TSBP1: variants seen among roughly 807,000 people sequenced by gnomAD.
TSBP1 encodes the protein testis expressed basic protein 1.
In TSBP1, 56 loss-of-function variants were observed where a neutral mutation model predicts 68.8. The ratio of observed to expected loss-of-function variants is 0.81; its 90% CI spans 0.66 to 1.02. The LOEUF is 1.02. Ranked by LOEUF, TSBP1 falls within the 50% of genes least tolerant of loss-of-function variation. The pLI is 0.00. For missense variants in TSBP1, 502 were observed against 641.2 expected, an observed-to-expected ratio of 0.78 and a Z score of 2.34; for synonymous variants, 171 against 208.7, an observed-to-expected ratio of 0.82 and a Z score of 1.56.
At position 32,302,609 on chromosome 6, in the gene TSBP1, TA is replaced by T; in HGVS notation, c.600del (p.Met201TrpfsTer9). Reference sequence around the variant, plus strand: ...TAATAAAAATATATTAGGAACTTACTAGTGTGAACTTGAGGTATTCCTGAAA... The same window carrying T: ...TAATAAAAATATATTAGGAACTTACTGTGTGAACTTGAGGTATTCCTGAAA... On this transcript the variant is annotated frameshift_variant and splice_region_variant, in exon 20 of 23. Coordinates refer to ENST00000612031, the Ensembl canonical transcript of TSBP1. LOFTEE classifies it low-confidence loss of function (END_TRUNC). This position sits in a 1 kb window ranked among gnomAD's most constrained non-coding sequence, Gnocchi z 5.1. 1 of 1,544,228 alleles carries T rather than the reference TA, an allele frequency of 6.5e-7. No individual in the cohort carries two copies. The highest frequency in any genetic ancestry group is 8.7e-7 in the Non-Finnish European group (1 of 1,145,048).
chr6:32,307,156 C>A (rs924458244), intron 19 of TSBP1, among the ~76,000 whole-genome samples: 10 of 151,724 alleles, frequency 6.6e-5, no homozygotes, highest in African/African-American at 2.4e-4. Flanking sequence ...ATGTTTAGTT[C>A]ATCAATTTTT....
rs145201933 is a variant in TSBP1 at position 32,345,601 on chromosome 6, A to C, written c.349+4139T>G. On this transcript the variant is annotated intron_variant, in intron 9 of 22. Transcript: ENST00000612031. Reference sequence around the variant, plus strand: ...TATCTACTTTCTAGGATTATTATGAAGAAAAAATGTTTAGGACAGAGCCTG... The same window carrying C: ...TATCTACTTTCTAGGATTATTATGACGAAAAAATGTTTAGGACAGAGCCTG... 6.8e-3 allele frequency among the ~76,000 whole-genome samples: 1,041 copies of C among 152,190 alleles called. 18 individuals carry two copies. Among genetic ancestry groups the C allele is most frequent in the East Asian group, 0.016 (83 of 5,180 alleles).
Position 32,314,680 on chromosome 6 carries a change from T to C in TSBP1, c.580+1092A>G, listed in dbSNP as rs1311713917. Among the ~76,000 whole-genome samples the C allele has an allele frequency of 6.6e-6, 1 of 152,218 alleles. No homozygotes were observed. The highest frequency in any genetic ancestry group is 1.5e-5 in the Non-Finnish European group (1 of 68,040). On this transcript the variant is annotated intron_variant, in intron 19 of 22. Transcript: ENST00000612031. This position sits in a 1 kb window ranked among gnomAD's most constrained non-coding sequence, Gnocchi z 4.2. ...TACCAATGTCTTTGTCCTAACATTA[T>C]TGAAATTAATAAAATGTTGTTATTA...
intron 17 of TSBP1, chr6:32,323,340 T>C: frequency 1.5e-6 from 1 of 677,262 alleles, no homozygotes; most frequent in Non-Finnish European, 2.7e-6. Context: ...AAGGATTAAA[T>C]GAGGTAATGT....
chr6:32,356,255 T>G (rs1468097658), intron 6 of TSBP1, among the ~76,000 whole-genome samples: 2 of 152,210 alleles, frequency 1.3e-5, no homozygotes, highest in Non-Finnish European at 2.9e-5. Context: ...CATTTGCTAT[T>G]TCACTAAAGT....
chr6:32,366,802 C>T (rs7769740), intron 4 of TSBP1, among the ~76,000 whole-genome samples: 12,125 of 145,476 alleles, frequency 0.083, 753 homozygotes, highest in East Asian at 0.1. Context: ...TCATTAGTCT[C>T]AATCCAACTA....
At chr6:32,362,288 C>CAAAAAAAAAAAAA (rs9257083) in intron 6 of TSBP1, among the ~76,000 whole-genome samples, 2 of 101,324 alleles carry the variant, frequency 2.0e-5, no homozygotes, top group African/African-American at 7.4e-5. Context: ...GACTCCGTCT[C>CAAAAAAAAAAAAA]AAAAAAAAAA....
At chr6:32,323,661 AT>A (rs1767902088) in intron 16 of TSBP1, 47 bp from the exon 18 acceptor site, 1 of 1,593,502 alleles carries the variant, frequency 6.3e-7, no homozygotes, top group Non-Finnish European at 8.6e-7. Flanking sequence ...CTCCCATGAT[AT>A]TTTCCTTTCT....
intron 19 of TSBP1, among the ~76,000 whole-genome samples, chr6:32,308,152 G>A (rs1441014636): frequency 6.6e-6 from 1 of 151,932 alleles, no homozygotes; most frequent in African/African-American, 2.4e-5. Context: ...TTTCTTAATA[G>A]AGTTTAGCTA....
intron 8 of TSBP1, 74 bp from the exon 9 acceptor site, chr6:32,349,834 A>C: frequency 6.4e-7 from 1 of 1,554,010 alleles, no homozygotes; most frequent in South Asian, 1.1e-5. Context: ...TAGACACTAT[A>C]TTGCAGAAAG....
chr6:32,331,894 A>T lies in TSBP1; in HGVS notation c.493+140T>A, dbSNP rs142504487. On this transcript the variant is annotated intron_variant, in intron 15 of 22. Transcript: ENST00000612031. ...CCTCGCCTTCCCTCCAAAACCTAAC[A>T]GTTACGATATGGGGAAATGAAAGTC... 8 of 691,770 alleles carry T rather than the reference A, an allele frequency of 1.2e-5. No homozygotes were observed. The Admixed American group carries it at 2.0e-4, about 17-fold the overall frequency. 42.9% of individuals were successfully genotyped at this position (691,770 alleles called of 1,614,324 possible). A position where few individuals can be genotyped will look rare whatever the true frequency, so the allele number is the denominator to read the frequency against.
chr6:32,323,724 C>T, intron 16 of TSBP1, 110 bp from the exon 18 acceptor site: 1 of 885,630 alleles, frequency 1.1e-6, no homozygotes, highest in Non-Finnish European at 1.8e-6. Flanking sequence ...GAAAACTTTC[C>T]CTTTGGTATT....
At chr6:32,355,766 A>C in intron 6 of TSBP1, 97 bp from the exon 7 acceptor site, 6 of 1,405,684 alleles carry the variant, frequency 4.3e-6, no homozygotes, top group Non-Finnish European at 5.6e-6. Flanking sequence ...ACACCCTCAA[A>C]TATCCAGTTA....
chr6:32,300,576 C>T (rs1264120999), intron 21 of TSBP1, 104 bp downstream of exon 24: 1 of 902,736 alleles, frequency 1.1e-6, no homozygotes, highest in Non-Finnish European at 1.8e-6. Flanking sequence ...GAAATATTGA[C>T]TGCTGTAAGG....
At chr6:32,329,478 T>C (rs1425273639) in intron 16 of TSBP1, among the ~76,000 whole-genome samples, 2 of 152,200 alleles carry the variant, frequency 1.3e-5, no homozygotes, top group African/African-American at 4.8e-5. Flanking sequence ...CAATAACAAA[T>C]GGCTCTTATT....
chr6:32,363,319 C>T (rs1252753479), intron 6 of TSBP1, among the ~76,000 whole-genome samples: 3 of 152,036 alleles, frequency 2.0e-5, no homozygotes, highest in South Asian at 2.1e-4. Flanking sequence ...TTTTTAAATA[C>T]ATTTAGCTAC....
At chr6:32,349,586 AG>A (rs1440196142) in intron 9 of TSBP1, 153 bp downstream of exon 9, 1 of 595,224 alleles carries the variant, frequency 1.7e-6, no homozygotes, top group Non-Finnish European at 3.0e-6. Context: ...TGATTATTGA[AG>A]TGTCTGGTTA....
rs1463926163 is a variant in TSBP1 at position 32,338,469 on chromosome 6, G to A, written c.409+510C>T. On this transcript the variant is annotated intron_variant, in intron 11 of 22. Transcript: ENST00000612031. This position sits in a 1 kb window ranked among gnomAD's most constrained non-coding sequence, Gnocchi z 5.5. ...TCCTTATTCTCTATTCCCAACCAGT[G>A]CTTCTTCCAGAGATATATGCTACAG... 2.0e-5 allele frequency among the ~76,000 whole-genome samples: 3 copies of A among 152,040 alleles called. No homozygotes were observed. Among genetic ancestry groups the A allele is most frequent in the Non-Finnish European group, 4.4e-5 (3 of 68,026 alleles).
At chr6:32,329,047 T>A (rs1018682580) in intron 16 of TSBP1, among the ~76,000 whole-genome samples, 12 of 152,202 alleles carry the variant, frequency 7.9e-5, no homozygotes, top group Non-Finnish European at 1.2e-4. Context: ...TTCCTACTCT[T>A]CTTTACTAGG....
Sources: gnomAD v4.1 joint callset for allele counts (sites outside exome capture counted in the v4.1 genomes callset) on GRCh38, gnomAD v4.1.1 for gene constraint, Gnocchi (gnomAD v3.1) non-coding constraint, MANE v1.5 for transcripts, NCBI Gene and HGNC (gene_info 2026-07-23, HGNC 2026-07-21) for gene names.